Variants in PTPN3 observed in about 807,000 individuals in gnomAD.
PTPN3 encodes the protein protein tyrosine phosphatase non-receptor type 3, also known as tyrosine-protein phosphatase non-receptor type 3.
Under a neutral mutation model 132.7 loss-of-function variants are expected in PTPN3, and 96 were observed. That is an observed-to-expected ratio of 0.72 (90% CI 0.61 to 0.86). PTPN3 has a LOEUF of 0.86. Ranked by LOEUF, PTPN3 falls within the 40% of genes least tolerant of loss-of-function variation. The probability of loss-of-function intolerance (pLI) is 0.00; values close to 1 mark genes in which losing one functional copy is unlikely to be tolerated. For missense variants in PTPN3, 1,125 were observed against 1,159.6 expected (o/e 0.97, Z 0.43); for synonymous variants, 398 against 429.0 (o/e 0.93, Z 0.89).
At chr9:109,529,807 A>G in the PTPN3 span, among the ~76,000 whole-genome samples, 4 of 152,162 alleles carry the variant, frequency 2.6e-5, no homozygotes, top group East Asian at 7.7e-4. Context: ...TTAAACAACA[A>G]CACATCATCT....
At chr9:109,450,157 T>A in intron 5 of PTPN3, 3 of 984,720 alleles carry the variant, frequency 3.0e-6, no homozygotes, top group Non-Finnish European at 3.6e-6. Flanking sequence ...ACTCTAATAT[T>A]ATTACTTTGA....
At chr9:109,479,970 C>T (rs569067357) in intron 1 of PTPN3, among the ~76,000 whole-genome samples, 1 of 152,366 alleles carries the variant, frequency 6.6e-6, no homozygotes, top group East Asian at 1.9e-4. Flanking sequence ...TATTCCTCCA[C>T]ATCCTTGCTA....
chr9:109,536,260 A>G, the PTPN3 span, among the ~76,000 whole-genome samples: 3 of 152,202 alleles, frequency 2.0e-5, no homozygotes, highest in African/African-American at 7.2e-5. Context: ...TTGTTTATCC[A>G]TTCATCCATT....
At chr9:109,488,161 A>G (rs1474567251) in intron 1 of PTPN3, among the ~76,000 whole-genome samples, 1 of 140,470 alleles carries the variant, frequency 7.1e-6, no homozygotes, top group African/African-American at 2.7e-5. Context: ...AAGTGGCATG[A>G]TCTGGCTCAC....
intron 1 of PTPN3, among the ~76,000 whole-genome samples, chr9:109,487,735 A>G (rs550187521): frequency 6.6e-6 from 1 of 152,384 alleles, no homozygotes; most frequent in East Asian, 1.9e-4. Flanking sequence ...TTCAATGCCA[A>G]TACAACTTAT....
At position 109,450,534 on chromosome 9, in the gene PTPN3, G is replaced by A. The variant is rs948178747; in HGVS notation, c.369-1679C>T. 8 of 985,134 alleles carry A rather than the reference G, an allele frequency of 8.1e-6. No homozygotes were observed. The African/African-American group carries it at 1.4e-4, about 17-fold the overall frequency. The allele number at this position is 985,134 out of a possible 1,614,324, so 61.0% of individuals were successfully genotyped here. A position where few individuals can be genotyped will look rare whatever the true frequency, so the allele number is the denominator to read the frequency against. ...GCTGCCTTGTCATATATTGAGCAAAGTTTCTGAGTCAACCCCATGGCATCA... is the reference window on the plus strand; with the variant it reads ...GCTGCCTTGTCATATATTGAGCAAAATTTCTGAGTCAACCCCATGGCATCA... On this transcript the variant is annotated intron_variant, in intron 5 of 25. Coordinates refer to ENST00000374541, the MANE Select transcript of PTPN3 (RefSeq NM_002829.4).
At chr9:109,536,307 T>C in the PTPN3 span, among the ~76,000 whole-genome samples, 1 of 152,124 alleles carries the variant, frequency 6.6e-6, no homozygotes, top group Non-Finnish European at 1.5e-5. Context: ...TTAGCCGTTG[T>C]GAATGGTGTA....
chr9:109,532,569 G>GA, the PTPN3 span, among the ~76,000 whole-genome samples: 18 of 141,574 alleles, frequency 1.3e-4, no homozygotes, highest in Non-Finnish European at 2.3e-4. Context: ...GGCGTATTGT[G>GA]AAAAAAACAG....
chr9:109,508,200 A>G, the PTPN3 span, among the ~76,000 whole-genome samples: 1 of 146,672 alleles, frequency 6.8e-6, no homozygotes, highest in Non-Finnish European at 1.5e-5. Flanking sequence ...TCGCTCTGTC[A>G]CCCAGGCTGG....
chr9:109,490,268 T>C (rs1033524149), intron 1 of PTPN3, among the ~76,000 whole-genome samples: 9 of 152,182 alleles, frequency 5.9e-5, no homozygotes, highest in Non-Finnish European at 8.8e-5. Context: ...GCAGAAAACC[T>C]GCTGACTTTT....
intron 14 of PTPN3, among the ~76,000 whole-genome samples, chr9:109,411,219 C>T (rs1315333965): frequency 2.0e-5 from 3 of 152,168 alleles, no homozygotes; most frequent in Non-Finnish European, 4.4e-5. Flanking sequence ...CGGAACAGAA[C>T]TTTGTGGTCA....
chr9:109,461,774 AT>A (rs769886334), intron 2 of PTPN3, among the ~76,000 whole-genome samples: 53 of 147,164 alleles, frequency 3.6e-4, no homozygotes, highest in African/African-American at 1.3e-3. Flanking sequence ...AAAAAAAAAA[AT>A]TAGTTATTCA....
At chr9:109,413,696 G>C (rs1336296958) in intron 14 of PTPN3, among the ~76,000 whole-genome samples, 1 of 152,170 alleles carries the variant, frequency 6.6e-6, no homozygotes, top group African/African-American at 2.4e-5. Flanking sequence ...AGACACCATG[G>C]AAGAGCCAGT....
chr9:109,420,287 T>C, intron 14 of PTPN3, 137 bp downstream of exon 14: 1 of 855,310 alleles, frequency 1.2e-6, no homozygotes, highest in Non-Finnish European at 1.7e-6. Flanking sequence ...TATGTTCTTA[T>C]CCTGGCAGAA....
Position 109,457,226 on chromosome 9 carries a change from A to C in PTPN3, c.247-11T>G, listed in dbSNP as rs572627074. 6.2e-7 allele frequency: 1 copy of C among 1,613,824 alleles called. No individual in the cohort carries two copies. The highest frequency in any genetic ancestry group is 2.2e-5 in the East Asian group (1 of 44,888). On this transcript the variant is annotated splice_polypyrimidine_tract_variant and intron_variant, in intron 3 of 25. Coordinates refer to ENST00000374541, the MANE Select transcript of PTPN3 (RefSeq NM_002829.4). ...TGCTTCCAGCCATCTCTGTTGGACA[A>C]GAAAACATAAAATATAAAAGCAAAC...
chr9:109,528,862 T>C, the PTPN3 span, among the ~76,000 whole-genome samples: 15 of 152,278 alleles, frequency 9.9e-5, no homozygotes, highest in South Asian at 2.9e-3. Context: ...TATCTAATCA[T>C]CTTAATTCTA....
At chr9:109,524,360 G>GCTCA in the PTPN3 span, among the ~76,000 whole-genome samples, 1,692 of 42,458 alleles carry the variant, frequency 0.04, 313 homozygotes, top group East Asian at 0.34. Context: ...ATGAACCTAT[G>GCTCA]AAGGAGGTAC....
rs1327373433 is a variant in PTPN3, at chr9:109,457,317, T to C, written c.221A>G (p.His74Arg). 15 of 1,614,204 alleles carry C rather than the reference T, an allele frequency of 9.3e-6. No homozygotes were observed. Among genetic ancestry groups the C allele is most frequent in the African/African-American group, 1.3e-5 (1 of 75,058 alleles). ...AGGAGAGTCCACGGAGTCGTCATCA[T>C]GCTGTAAACCAAAATATTCCTTTTC... ...VTEKEYFGLQ[H>R]DDDSVDSPRW... Residue 74 changes from histidine (H) to arginine (R), a missense_variant, in exon 3 of 26, where the codon CAT becomes CGT. Coordinates refer to ENST00000374541, the MANE Select transcript of PTPN3 (RefSeq NM_002829.4).
chr9:109,497,871 G>A (rs532845255), intron 1 of PTPN3, among the ~76,000 whole-genome samples: 6 of 151,346 alleles, frequency 4.0e-5, no homozygotes, highest in Non-Finnish European at 7.4e-5. Context: ...GGGGTCCTCC[G>A]GAGGTGCCGG....
Sources: allele counts gnomAD v4.1 joint callset (sites outside exome capture counted in the v4.1 genomes callset), GRCh38; gene constraint gnomAD v4.1.1; transcripts MANE v1.5; gene names NCBI Gene and HGNC (gene_info 2026-07-23, HGNC 2026-07-21).